FRAS1: variants seen among roughly 807,000 people sequenced by gnomAD.
FRAS1 encodes extracellular matrix organizing protein FRAS1.
In FRAS1, 290 loss-of-function variants were observed where a neutral mutation model predicts 435.2. That is an observed-to-expected ratio of 0.67 (90% CI 0.61 to 0.73). FRAS1 has a LOEUF of 0.73. FRAS1 is among the 30% of genes least tolerant of loss of function. FRAS1 has a pLI of 0.00. For missense variants in FRAS1, 4,860 were observed against 5,001.5 expected (o/e 0.97, Z 0.85); for synonymous variants, 1,800 against 1,851.0 (o/e 0.97, Z 0.71).
chr4:78,336,592 G>A (rs1052322204), intron 19 of FRAS1, among the ~76,000 whole-genome samples: 1 of 152,100 alleles, frequency 6.6e-6, no homozygotes, highest in East Asian at 1.9e-4. Flanking sequence ...ATGTAGGAGG[G>A]GTGAGAGTGC....
intron 2 of FRAS1, among the ~76,000 whole-genome samples, chr4:78,145,308 G>A (rs1200495743): frequency 6.6e-6 from 1 of 152,138 alleles, no homozygotes; most frequent in Non-Finnish European, 1.5e-5. Context: ...GGGTGTTTAT[G>A]TTCAGTGATT....
In FRAS1 at chr4:78,100,951, G is replaced by T. The variant is rs532128332; in HGVS notation, c.108+34935G>T. 1.4e-4 allele frequency among the ~76,000 whole-genome samples: 21 copies of T among 152,286 alleles called. 1 individual carries two copies. In the South Asian group the frequency reaches 3.5e-3, roughly 26 times the overall value. ...GTCTTTCCACCTTATGCTAGTGCAA[G>T]TCTAAAGTAAAAGTGTACAGGGGAA... On this transcript the variant is annotated intron_variant, in intron 2 of 73. Coordinates refer to ENST00000512123, the MANE Select transcript of FRAS1 (RefSeq NM_025074.7).
At chr4:78,496,320 C>A (rs2109871148) in intron 59 of FRAS1, among the ~76,000 whole-genome samples, 1 of 152,272 alleles carries the variant, frequency 6.6e-6, no homozygotes, top group African/African-American at 2.4e-5. Context: ...TTAAAGGTAT[C>A]TTTAGCCTAA....
At chr4:78,331,795 T>C (rs952479865) in intron 18 of FRAS1, among the ~76,000 whole-genome samples, 4 of 152,228 alleles carry the variant, frequency 2.6e-5, no homozygotes, top group African/African-American at 9.6e-5. Context: ...TACTTGAGGC[T>C]CAATGACAAA....
At chr4:78,378,732 A>G (rs887021661) in intron 26 of FRAS1, among the ~76,000 whole-genome samples, 6 of 129,454 alleles carry the variant, frequency 4.6e-5, no homozygotes, top group Non-Finnish European at 8.5e-5. Flanking sequence ...TTCATTTTCT[A>G]TTGTTGAGTT....
intron 20 of FRAS1, among the ~76,000 whole-genome samples, chr4:78,341,359 T>G (rs2110271100): frequency 6.6e-6 from 1 of 152,196 alleles, no homozygotes; most frequent in Middle Eastern, 3.4e-3. Context: ...GGGGATGCCT[T>G]GAAGATTCTG....
At position 78,541,942 on chromosome 4, in the gene FRAS1, T is replaced by C. The variant is rs1488087733; in HGVS notation, c.*818T>C. The C allele has an allele frequency of 6.6e-6, 1 of 152,210 alleles. No individual in the cohort carries two copies. The highest frequency in any genetic ancestry group is 2.4e-5 in the African/African-American group (1 of 41,436). 9.4% of individuals were successfully genotyped at this position (152,210 alleles called of 1,614,324 possible). The stretch of plus-strand genomic sequence containing the variant: ...TGACCAAGGATGCTGCGAAACAGGA[T>C]CAATGTACTACGGCCTTTTAATTCA... On this transcript the variant is annotated 3_prime_UTR_variant, in exon 74 of 74. Transcript: ENST00000512123.
At chr4:78,165,839 C>T (rs1721313966) in intron 2 of FRAS1, among the ~76,000 whole-genome samples, 1 of 152,114 alleles carries the variant, frequency 6.6e-6, no homozygotes, top group African/African-American at 2.4e-5. Context: ...ATTCTCATGG[C>T]CAACACATGT....
chr4:78,096,858 C>T (rs1741839546), intron 2 of FRAS1, among the ~76,000 whole-genome samples: 1 of 152,232 alleles, frequency 6.6e-6, no homozygotes, highest in South Asian at 2.1e-4. Flanking sequence ...TCCCCATTGC[C>T]TTGGGGATTA....
intron 2 of FRAS1, among the ~76,000 whole-genome samples, chr4:78,212,667 A>G (rs541854611): frequency 6.6e-6 from 1 of 152,352 alleles, no homozygotes; most frequent in South Asian, 2.1e-4. Context: ...GGTCAAATGT[A>G]TGATGTCAAC....
At chr4:78,263,172 C>T (rs923350739) in intron 6 of FRAS1, among the ~76,000 whole-genome samples, 18 of 152,210 alleles carry the variant, frequency 1.2e-4, no homozygotes, top group African/African-American at 4.3e-4. Context: ...TGCTCCACCT[C>T]CCTACTCAGC....
At chr4:78,262,169 T>G (rs1414752566) in intron 6 of FRAS1, among the ~76,000 whole-genome samples, 1 of 152,186 alleles carries the variant, frequency 6.6e-6, no homozygotes, top group Non-Finnish European at 1.5e-5. Context: ...TCTGATCACA[T>G]GGAACAAAAA....
At chr4:78,140,522 G>C (rs1354001439) in intron 2 of FRAS1, among the ~76,000 whole-genome samples, 2 of 152,024 alleles carry the variant, frequency 1.3e-5, no homozygotes, top group African/African-American at 4.8e-5. Flanking sequence ...ATAATGCTGA[G>C]CTAGAAGATC....
At chr4:78,143,903 CAAAA>C (rs60130624) in intron 2 of FRAS1, among the ~76,000 whole-genome samples, 3 of 78,104 alleles carry the variant, frequency 3.8e-5, no homozygotes, top group African/African-American at 4.7e-5. Flanking sequence ...GACCCTGTCT[CAAAA>C]AAAAAAAAAA....
rs1452787614 is a variant in FRAS1 at position 78,414,825 on chromosome 4, C to T, written c.4425+1740C>T. Reference sequence around the variant, plus strand: ...ATGACCATAAAACACAGTCTTTATTCTCAAGGAACTTTGAGTTTAAAAGAG... The same window carrying T: ...ATGACCATAAAACACAGTCTTTATTTTCAAGGAACTTTGAGTTTAAAAGAG... On this transcript the variant is annotated intron_variant, in intron 32 of 73. Transcript: ENST00000512123. 3.9e-5 allele frequency among the ~76,000 whole-genome samples: 6 copies of T among 152,242 alleles called. No individual in the cohort carries two copies. The East Asian group carries it at 1.2e-3, about 29-fold the overall frequency.
At chr4:78,284,227 G>GTTTTTTTT (rs1460694054) in intron 12 of FRAS1, among the ~76,000 whole-genome samples, 178 bp from the exon 13 acceptor site, 12 of 37,320 alleles carry the variant, frequency 3.2e-4, no homozygotes, top group East Asian at 6.7e-4. Context: ...GCATTGGAAT[G>GTTTTTTTT]TATTTTTTTT....
At position 78,401,921 on chromosome 4, in the gene FRAS1, C is replaced by T. The variant is rs532824256; in HGVS notation, c.4129+1034C>T. Among the ~76,000 whole-genome samples, 3 of 151,754 alleles carry T rather than the reference C, an allele frequency of 2.0e-5. No homozygotes were observed. The East Asian group carries it at 5.8e-4, about 29-fold the overall frequency. ...ACTACCACAGAAGGCCTACTCTCTG[C>T]TAGGCTACGTGGGATTCTCAGAAGA... On this transcript the variant is annotated intron_variant, in intron 30 of 73. Coordinates refer to ENST00000512123, the MANE Select transcript of FRAS1 (RefSeq NM_025074.7).
At chr4:78,489,651 C>T (rs1720282043) in intron 59 of FRAS1, among the ~76,000 whole-genome samples, 2 of 152,148 alleles carry the variant, frequency 1.3e-5, no homozygotes, top group African/African-American at 4.8e-5. Context: ...CAATCAAATA[C>T]ACATATCATT....
intron 2 of FRAS1, among the ~76,000 whole-genome samples, chr4:78,174,229 C>T (rs1325441945): frequency 2.0e-5 from 3 of 152,192 alleles, no homozygotes; most frequent in Admixed American, 2.0e-4. Flanking sequence ...GGCTCATGTT[C>T]TTGACTACAA....
Sources: allele counts gnomAD v4.1 joint callset (sites outside exome capture counted in the v4.1 genomes callset), GRCh38; gene constraint gnomAD v4.1.1; transcripts MANE v1.5; gene names NCBI Gene and HGNC (gene_info 2026-07-23, HGNC 2026-07-21).